CACNA2D3: variants seen among roughly 807,000 people sequenced by gnomAD.
CACNA2D3 encodes the protein calcium voltage-gated channel auxiliary subunit alpha2delta 3.
CACNA2D3 carries 60 observed loss-of-function variants against 160.6 expected under a neutral mutation model. The ratio of observed to expected loss-of-function variants is 0.37; its 90% confidence interval spans 0.30 to 0.46. The LOEUF is 0.46. Among genes scored for constraint, CACNA2D3 ranks in the 20% least tolerant of loss-of-function variants. CACNA2D3 has a pLI of 1.00. For missense variants in CACNA2D3, 1,205 were observed against 1,365.0 expected, an observed-to-expected ratio of 0.88 and a Z score of 1.85; for synonymous variants, 558 against 492.9, an observed-to-expected ratio of 1.13 and a Z score of -1.75.
At chr3:54,763,599 A>G (rs1310249647) in intron 12 of CACNA2D3, among the ~76,000 whole-genome samples, 1 of 150,288 alleles carries the variant, frequency 6.7e-6, no homozygotes, top group Non-Finnish European at 1.5e-5. Flanking sequence ...ATAAACACAC[A>G]CACACAGTAT....
rs559791098 is a variant in CACNA2D3, at chr3:54,125,738, A to G, written c.204+2144A>G. 1.2e-4 allele frequency among the ~76,000 whole-genome samples: 18 copies of G among 152,328 alleles called. No homozygotes were observed. The East Asian group carries it at 2.1e-3, about 18-fold the overall frequency. ...TGCTTTTGTATTTTTAAAATTAGCAAAGAACATTGGTTTAGAGAGTTCAGA... is the reference window on the plus strand; with the variant it reads ...TGCTTTTGTATTTTTAAAATTAGCAGAGAACATTGGTTTAGAGAGTTCAGA... On this transcript the variant is annotated intron_variant, in intron 2 of 37. Coordinates refer to ENST00000474759, the MANE Select transcript of CACNA2D3 (RefSeq NM_018398.3).
intron 14 of CACNA2D3, among the ~76,000 whole-genome samples, chr3:54,817,688 G>A (rs1031373992): frequency 3.3e-5 from 5 of 152,224 alleles, no homozygotes; most frequent in Non-Finnish European, 7.3e-5. Context: ...CCAGTTTAGA[G>A]CAGAGGTGAT....
intron 4 of CACNA2D3, among the ~76,000 whole-genome samples, chr3:54,498,377 GT>G (rs771320333): frequency 6.6e-6 from 1 of 151,920 alleles, no homozygotes; most frequent in Non-Finnish European, 1.5e-5. Context: ...GCATAAAGTT[GT>G]TTGTAATATT....
chr3:54,810,117 G>C (rs1044747827), intron 13 of CACNA2D3, among the ~76,000 whole-genome samples: 4 of 152,182 alleles, frequency 2.6e-5, no homozygotes, highest in African/African-American at 9.7e-5. Context: ...GAGAATTGAC[G>C]TGAAGTTGTC....
At chr3:54,630,420 C>T (rs1205956396) in intron 10 of CACNA2D3, among the ~76,000 whole-genome samples, 6 of 152,150 alleles carry the variant, frequency 3.9e-5, no homozygotes, top group East Asian at 1.9e-4. Context: ...CCATAGCATG[C>T]GCAGTTTAAT....
intron 13 of CACNA2D3, among the ~76,000 whole-genome samples, chr3:54,802,055 C>G (rs1291894244): frequency 6.6e-6 from 1 of 152,036 alleles, no homozygotes; most frequent in Non-Finnish European, 1.5e-5. Context: ...TTTTATTGAC[C>G]CTGTTTTTAT....
At chr3:54,404,075 A>G (rs1699526932) in intron 4 of CACNA2D3, among the ~76,000 whole-genome samples, 1 of 152,172 alleles carries the variant, frequency 6.6e-6, no homozygotes, top group African/African-American at 2.4e-5. Context: ...AAGAATTACT[A>G]CCCAAACTTC....
chr3:54,679,623 C>T (rs1700306303), intron 11 of CACNA2D3, among the ~76,000 whole-genome samples: 1 of 152,236 alleles, frequency 6.6e-6, no homozygotes, highest in Non-Finnish European at 1.5e-5. Flanking sequence ...TCCTTCACAG[C>T]TCTGCTCAGA....
At chr3:54,777,398 G>A (rs749342270) in intron 13 of CACNA2D3, among the ~76,000 whole-genome samples, 1 of 152,064 alleles carries the variant, frequency 6.6e-6, no homozygotes, top group Admixed American at 6.5e-5. Context: ...CTTATTAGAC[G>A]TACAGAGCAG....
intron 4 of CACNA2D3, among the ~76,000 whole-genome samples, chr3:54,499,323 T>G (rs1262015861): frequency 6.6e-6 from 1 of 152,200 alleles, no homozygotes; most frequent in Non-Finnish European, 1.5e-5. Flanking sequence ...TAATTTTTAT[T>G]TGGATCTTTG....
chr3:54,367,294 CA>C (rs1212682011), intron 3 of CACNA2D3, among the ~76,000 whole-genome samples: 1 of 152,110 alleles, frequency 6.6e-6, no homozygotes, highest in Non-Finnish European at 1.5e-5. Flanking sequence ...AGTTAAATTA[CA>C]AAAAGGCAGA....
At chr3:54,787,560 G>A (rs1012705745) in intron 13 of CACNA2D3, among the ~76,000 whole-genome samples, 2 of 152,124 alleles carry the variant, frequency 1.3e-5, no homozygotes, top group Non-Finnish European at 2.9e-5. Flanking sequence ...CACATGGGGG[G>A]CCACACAGGA....
intron 4 of CACNA2D3, among the ~76,000 whole-genome samples, chr3:54,477,388 C>A (rs1205243064): frequency 1.3e-5 from 2 of 152,080 alleles, no homozygotes; most frequent in African/African-American, 4.8e-5. Context: ...TCCTCCGGAG[C>A]AGACTGCCTC....
intron 32 of CACNA2D3, among the ~76,000 whole-genome samples, chr3:55,005,758 A>G (rs1703080630): frequency 6.6e-6 from 1 of 152,232 alleles, no homozygotes; most frequent in African/African-American, 2.4e-5. Context: ...AGCAATACCT[A>G]AAAACACAGA....
chr3:54,255,434 T>G (rs984819397), intron 2 of CACNA2D3, among the ~76,000 whole-genome samples: 1 of 152,190 alleles, frequency 6.6e-6, no homozygotes. Context: ...TCCACACAAG[T>G]ATTAATCTAC....
At chr3:54,347,878 C>A (rs192299774) in intron 3 of CACNA2D3, among the ~76,000 whole-genome samples, 1 of 152,088 alleles carries the variant, frequency 6.6e-6, no homozygotes, top group East Asian at 1.9e-4. Flanking sequence ...GAAGGCAGTA[C>A]CCTCCCATGG....
At chr3:55,072,693 G>A (rs1403406428) in intron 35 of CACNA2D3, among the ~76,000 whole-genome samples, 2 of 152,228 alleles carry the variant, frequency 1.3e-5, no homozygotes, top group East Asian at 3.8e-4. Flanking sequence ...TCCAAAGAAA[G>A]AGTCAGTAGT....
chr3:54,241,990 G>T (rs1701982603), intron 2 of CACNA2D3, among the ~76,000 whole-genome samples: 1 of 152,064 alleles, frequency 6.6e-6, no homozygotes, highest in Admixed American at 6.6e-5. Flanking sequence ...ACATTCCAGG[G>T]CCCCCAGTGG....
At position 54,389,428 on chromosome 3, in the gene CACNA2D3, A is replaced by G. The variant is rs530713428; in HGVS notation, c.381+2654A>G. ...TCAGTGGATGCTAAAATTAGTTGGC[A>G]AAAGTTTGGTGAAGAACAGGACACT... On this transcript the variant is annotated intron_variant, in intron 4 of 37. Transcript: ENST00000474759. Among the ~76,000 whole-genome samples the G allele has an allele frequency of 6.6e-5, 10 of 152,368 alleles. No homozygotes were observed. The East Asian group carries it at 1.9e-3, about 29-fold the overall frequency.
Sources: allele counts gnomAD v4.1 joint callset (sites outside exome capture counted in the v4.1 genomes callset), GRCh38; gene constraint gnomAD v4.1.1; transcripts MANE v1.5; gene names NCBI Gene and HGNC (gene_info 2026-07-23, HGNC 2026-07-21).